Variants in CDX1 observed in about 807,000 individuals in gnomAD.
CDX1 encodes homeobox protein CDX-1.
Under a neutral mutation model 16.9 loss-of-function variants are expected in CDX1, and 9 were observed. That is an observed-to-expected ratio of 0.53 (90% confidence interval 0.32 to 0.93). CDX1 has a LOEUF of 0.93. CDX1 is among the 40% of genes least tolerant of loss of function. The pLI is 0.04. For missense variants in CDX1, 393 were observed against 386.1 expected (o/e 1.02, Z -0.15); for synonymous variants, 179 against 179.0 (o/e 1.00, Z 0.00).
At chr5:150,170,390 T>G (rs1761488841) in intron 1 of CDX1, among the ~76,000 whole-genome samples, 4 of 152,240 alleles carry the variant, frequency 2.6e-5, no homozygotes, top group African/African-American at 9.6e-5. Flanking sequence ...GGTCCAGAAC[T>G]ATGTCTGCTT....
At position 150,167,281 on chromosome 5, in the gene CDX1, G is replaced by C. The variant is rs1400630768; in HGVS notation, c.405G>C (p.Trp135Cys). Residue 135 changes from tryptophan (W) to cysteine (C), a missense_variant, in exon 1 of 3, where the codon TGG becomes TGC. By Grantham distance (215) the Trp-to-Cys change is radical. Coordinates refer to ENST00000231656, the MANE Select transcript of CDX1 (RefSeq NM_001804.3). ...CGCAGAGGCCGACGCCCTACGAGTG[G>C]ATGCGGCGCAGCGTGGCGGCCGGAG... is the stretch of plus-strand genomic sequence containing the variant. ...PGAQRPTPYE[W>C]MRRSVAAGGG... 7.9e-7 allele frequency: 1 copy of C among 1,266,292 alleles called. No individual in the cohort carries two copies. The highest frequency in any genetic ancestry group is 9.9e-7 in the Non-Finnish European group (1 of 1,011,708). 78.4% of individuals were successfully genotyped at this position (1,266,292 alleles called of 1,614,324 possible). A position where few individuals can be genotyped will look rare whatever the true frequency, so the allele number is the denominator to read the frequency against.
chr5:150,183,764 G>C lies in CDX1; in HGVS notation c.*84G>C. 8.6e-7 allele frequency: 1 copy of C among 1,161,368 alleles called. No homozygotes were observed. The highest frequency in any genetic ancestry group is 1.6e-5 in the African/African-American group (1 of 64,268). 71.9% of individuals were successfully genotyped at this position (1,161,368 alleles called of 1,614,324 possible). The stretch of plus-strand genomic sequence containing the variant: ...CCTGTGGGCCCAGGAGGTCTGGTCC[G>C]AGTCTCAGCCCTGACCTTCTGGGAC... On this transcript the variant is annotated 3_prime_UTR_variant, in exon 3 of 3. Coordinates refer to ENST00000231656, the MANE Select transcript of CDX1 (RefSeq NM_001804.3).
At chr5:150,178,784 G>A (rs1000150114) in intron 1 of CDX1, among the ~76,000 whole-genome samples, 9 of 152,100 alleles carry the variant, frequency 5.9e-5, no homozygotes, top group Non-Finnish European at 1.2e-4. Context: ...CTATGTTTGG[G>A]TATGTGTGTG....
Position 150,182,767 on chromosome 5 carries a change from G to A in CDX1, c.446-1G>A. On this transcript the variant is annotated splice_acceptor_variant, in intron 1 of 2. Transcript: ENST00000231656. LOFTEE classifies it high-confidence loss of function. ...CCTTCCCGGCTCCTTCTGCTTCTCA[G>A]GTAAGACTCGGACCAAGGACAAGTA... is the stretch of plus-strand genomic sequence containing the variant. The A allele has an allele frequency of 6.4e-7, 1 of 1,567,976 alleles. No individual in the cohort carries two copies. Among genetic ancestry groups the A allele is most frequent in the Non-Finnish European group, 8.6e-7 (1 of 1,160,242 alleles).
Position 150,166,982 on chromosome 5 carries a change from C to T in CDX1, c.106C>T (p.Pro36Ser), listed in dbSNP as rs1761430688. The stretch of plus-strand genomic sequence containing the variant: ...GCAAGCCTACGGCCCCCCGGCCCCG[C>T]CCCCGGCGCCCCCGCAGTACCCCGA... ...GPQAYGPPAPPPAPPQYPDFS... is the reference protein window; with the variant it reads ...GPQAYGPPAPSPAPPQYPDFS... The change falls in exon 1 of 3, where the codon CCC becomes TCC. Residue 36 changes from proline to serine, a missense_variant. Pro to Ser is a moderately conservative substitution (Grantham distance 74, BLOSUM62 -1). Coordinates refer to ENST00000231656, the MANE Select transcript of CDX1 (RefSeq NM_001804.3). 2.8e-6 allele frequency: 4 copies of T among 1,439,908 alleles called. No individual in the cohort carries two copies. Among genetic ancestry groups the T allele is most frequent in the East Asian group, 3.0e-5 (1 of 32,960 alleles). 89.2% of individuals were successfully genotyped at this position (1,439,908 alleles called of 1,614,324 possible).
chr5:150,183,696 G>A lies in CDX1; in HGVS notation c.*16G>A, dbSNP rs201901105. The A allele has an allele frequency of 1.3e-5, 20 of 1,520,602 alleles. No individual in the cohort carries two copies. In the East Asian group the frequency reaches 4.4e-4, roughly 33 times the overall value. The allele number at this position is 1,520,602 out of a possible 1,614,324, so 94.2% of individuals were successfully genotyped here. A position where few individuals can be genotyped will look rare whatever the true frequency, so the allele number is the denominator to read the frequency against. On this transcript the variant is annotated 3_prime_UTR_variant, in exon 3 of 3. Coordinates refer to ENST00000231656, the MANE Select transcript of CDX1 (RefSeq NM_001804.3). ...TCTGCCATAGCCCCATGCCCAGCCTGTGCGCCGGGGGACCTGGGGACTCGG... is the reference window on the plus strand; with the variant it reads ...TCTGCCATAGCCCCATGCCCAGCCTATGCGCCGGGGGACCTGGGGACTCGG...
chr5:150,167,627 C>T (rs1198269237), intron 1 of CDX1, among the ~76,000 whole-genome samples: 2 of 152,242 alleles, frequency 1.3e-5, no homozygotes, highest in Non-Finnish European at 2.9e-5. Flanking sequence ...CTCCCAGACT[C>T]GTGTCCCACA....
In CDX1 at chr5:150,174,734, C is replaced by T. The variant is rs138082044; in HGVS notation, c.445+7413C>T. ...AGAGTTCCCAGAATGGAAATCCATT[C>T]TGCATAAGCTCCTTGTTCTTGCATT... is the stretch of plus-strand genomic sequence containing the variant. On this transcript the variant is annotated intron_variant, in intron 1 of 2. Coordinates refer to ENST00000231656, the MANE Select transcript of CDX1 (RefSeq NM_001804.3). Among the ~76,000 whole-genome samples the T allele has an allele frequency of 6.8e-3, 1,027 of 150,720 alleles. 10 individuals carry two copies. The highest frequency in any genetic ancestry group is 0.024 in the African/African-American group (986 of 41,076).
rs1360510876 is a variant in CDX1 at position 150,184,076 on chromosome 5, A to G, written c.*396A>G. The G allele has an allele frequency of 6.0e-6, 1 of 166,960 alleles. No individual in the cohort carries two copies. Among genetic ancestry groups the G allele is most frequent in the Non-Finnish European group, 1.3e-5 (1 of 78,338 alleles). The allele number at this position is 166,960 out of a possible 1,614,324, so 10.3% of individuals were successfully genotyped here. ...GAGAAAAGGGATGGAGCTGAAAAAGATGGAATGCTTGCAGAGCATGACCTG... is the reference window on the plus strand; with the variant it reads ...GAGAAAAGGGATGGAGCTGAAAAAGGTGGAATGCTTGCAGAGCATGACCTG... On this transcript the variant is annotated 3_prime_UTR_variant, in exon 3 of 3. Transcript: ENST00000231656.
Position 150,167,073 on chromosome 5 carries a change from C to T in CDX1, c.197C>T (p.Pro66Leu). ...APPTAWGAPFPAPKDDWAAAY... is the reference protein window; with the variant it reads ...APPTAWGAPFLAPKDDWAAAY... Reference sequence around the variant, plus strand: ...CCGACGGCCTGGGGGGCGCCCTTCCCTGCGCCCAAGGACGACTGGGCCGCC... The same window carrying T: ...CCGACGGCCTGGGGGGCGCCCTTCCTTGCGCCCAAGGACGACTGGGCCGCC... Residue 66 changes from proline to leucine, a missense_variant, in exon 1 of 3, where the codon CCT (proline) becomes CTT (leucine). Coordinates refer to ENST00000231656, the MANE Select transcript of CDX1 (RefSeq NM_001804.3). 1 of 1,415,278 alleles carries T rather than the reference C, an allele frequency of 7.1e-7. No homozygotes were observed. The highest frequency in any genetic ancestry group is 1.5e-5 in the South Asian group (1 of 67,080). 87.7% of individuals were successfully genotyped at this position (1,415,278 alleles called of 1,614,324 possible). A position where few individuals can be genotyped will look rare whatever the true frequency, so the allele number is the denominator to read the frequency against.
chr5:150,183,663 G>C lies in CDX1; in HGVS notation c.781G>C (p.Glu261Gln). The change falls in exon 3 of 3, where the codon GAG (glutamate) becomes CAG (glutamine). Residue 261 changes from glutamate to glutamine, a missense_variant. Glu to Gln is a conservative substitution (Grantham distance 29). Coordinates refer to ENST00000231656, the MANE Select transcript of CDX1 (RefSeq NM_001804.3). ...CACCTCCTCTCCAATGCCTGTGAAA[G>C]AGGAGTTTCTGCCATAGCCCCATGC... ...LATSSPMPVK[E>Q]EFLP is the part of the protein sequence containing the mutation. The C allele has an allele frequency of 6.3e-7, 1 of 1,590,416 alleles. No individual in the cohort carries two copies.
intron 1 of CDX1, among the ~76,000 whole-genome samples, chr5:150,176,652 G>C (rs1761573704): frequency 6.6e-6 from 1 of 152,202 alleles, no homozygotes; most frequent in East Asian, 1.9e-4. Flanking sequence ...AGAGTCTCGA[G>C]GGCACTTGGA....
chr5:150,167,486 A>G (rs1761443974), intron 1 of CDX1, among the ~76,000 whole-genome samples, 165 bp downstream of exon 1: 1 of 152,072 alleles, frequency 6.6e-6, no homozygotes, highest in Admixed American at 6.5e-5. Context: ...CCCTCTCCTC[A>G]GTCTCAGGCT....
At chr5:150,178,178 C>T (rs1403455756) in intron 1 of CDX1, among the ~76,000 whole-genome samples, 1 of 152,138 alleles carries the variant, frequency 6.6e-6, no homozygotes, top group Non-Finnish European at 1.5e-5. Flanking sequence ...TGGCCTGTAC[C>T]GTGCATGCAT....
intron 1 of CDX1, among the ~76,000 whole-genome samples, chr5:150,181,388 G>A (rs758200134): frequency 3.3e-5 from 5 of 152,062 alleles, no homozygotes; most frequent in South Asian, 2.1e-4. Context: ...CTGTTTTCCC[G>A]CCTCAGCCTC....
In CDX1 at chr5:150,184,049, T is replaced by G. The variant is rs1163827757; in HGVS notation, c.*369T>G. On this transcript the variant is annotated 3_prime_UTR_variant, in exon 3 of 3. Transcript: ENST00000231656. ...GCTGCTGTGGGGACCACACTGATCCTGGAGAAAAGGGATGGAGCTGAAAAA... is the reference window on the plus strand; with the variant it reads ...GCTGCTGTGGGGACCACACTGATCCGGGAGAAAAGGGATGGAGCTGAAAAA... 1 of 188,752 alleles carries G rather than the reference T, an allele frequency of 5.3e-6. No homozygotes were observed. The highest frequency in any genetic ancestry group is 6.1e-5 in the Admixed American group (1 of 16,276). The allele number at this position is 188,752 out of a possible 1,614,324, so 11.7% of individuals were successfully genotyped here. A position where few individuals can be genotyped will look rare whatever the true frequency, so the allele number is the denominator to read the frequency against.
At chr5:150,167,403 C>A in intron 1 of CDX1, 82 bp downstream of exon 1, 1 of 1,008,194 alleles carries the variant, frequency 9.9e-7, no homozygotes, top group Non-Finnish European at 1.3e-6. Context: ...CTGACCTCTG[C>A]TCCGGCCCTG....
chr5:150,175,899 T>C (rs1293345923), intron 1 of CDX1, among the ~76,000 whole-genome samples: 1 of 152,344 alleles, frequency 6.6e-6, no homozygotes, highest in South Asian at 2.1e-4. Context: ...CTTCTGCAAA[T>C]AGCTGTTTTC....
chr5:150,166,945 CGGCCTG>C lies in CDX1; in HGVS notation c.74_79del (p.Leu25_Gly26del). 1 of 1,499,530 alleles carries C rather than the reference CGGCCTG, an allele frequency of 6.7e-7. No homozygotes were observed. The highest frequency in any genetic ancestry group is 8.8e-7 in the Non-Finnish European group (1 of 1,131,620). 92.9% of individuals were successfully genotyped at this position (1,499,530 alleles called of 1,614,324 possible). On this transcript the variant is annotated inframe_deletion, in exon 1 of 3. Coordinates refer to ENST00000231656, the MANE Select transcript of CDX1 (RefSeq NM_001804.3). Reference sequence around the variant, plus strand: ...CCGGCCCAGCCAGGCCAGCCAGCCTCGGCCTGGGCCCGCAAGCCTACGGCCCCCCGG... The same window carrying C: ...CCGGCCCAGCCAGGCCAGCCAGCCTCGGCCCGCAAGCCTACGGCCCCCCGG...
Sources: allele counts gnomAD v4.1 joint callset (sites outside exome capture counted in the v4.1 genomes callset), GRCh38; gene constraint gnomAD v4.1.1; transcripts MANE v1.5; gene names NCBI Gene and HGNC (gene_info 2026-07-23, HGNC 2026-07-21).